RASGEF1B: variants seen among roughly 807,000 people sequenced by gnomAD.
RASGEF1B encodes the protein RasGEF domain family member 1B.
Under a neutral mutation model 65.7 loss-of-function variants are expected in RASGEF1B, and 30 were observed. That is an observed-to-expected ratio of 0.46 (90% CI 0.34 to 0.62). The LOEUF is 0.62. RASGEF1B is among the 20% of genes least tolerant of loss of function. The pLI is 0.01. For synonymous variants in RASGEF1B, 175 were observed against 194.8 expected (o/e 0.90, Z 0.85); for missense variants, 495 against 580.1 (o/e 0.85, Z 1.51).
chr4:81,435,727 G>A (rs1179243335), intron 10 of RASGEF1B, among the ~76,000 whole-genome samples: 3 of 147,228 alleles, frequency 2.0e-5, no homozygotes, highest in South Asian at 2.1e-4. Context: ...CGCCCGCCTT[G>A]GCCTCCCAAA....
intron 1 of RASGEF1B, among the ~76,000 whole-genome samples, chr4:81,464,867 T>G (rs1313706424): frequency 6.6e-6 from 1 of 151,948 alleles, no homozygotes; most frequent in Non-Finnish European, 1.5e-5. Flanking sequence ...GGCGGATTAC[T>G]TGAGGTCAGG....
intron 4 of RASGEF1B, among the ~76,000 whole-genome samples, chr4:81,450,514 T>A (rs1291357369): frequency 6.6e-6 from 1 of 150,394 alleles, no homozygotes; most frequent in Non-Finnish European, 1.5e-5. Flanking sequence ...TACAAGTGTG[T>A]GCCACCATAC....
At chr4:81,449,947 TC>T (rs919022479) in intron 4 of RASGEF1B, among the ~76,000 whole-genome samples, 11 of 152,184 alleles carry the variant, frequency 7.2e-5, no homozygotes, top group African/African-American at 2.7e-4. Flanking sequence ...TTTAAACTGG[TC>T]CATTAGATGA....
At chr4:81,463,890 A>G (rs1355748942) in intron 1 of RASGEF1B, among the ~76,000 whole-genome samples, 1 of 152,228 alleles carries the variant, frequency 6.6e-6, no homozygotes, top group African/African-American at 2.4e-5. Flanking sequence ...GTTCTTGTTA[A>G]GAAAATAAAT....
chr4:81,449,000 G>A (rs1340618928), intron 4 of RASGEF1B, among the ~76,000 whole-genome samples: 3 of 152,090 alleles, frequency 2.0e-5, no homozygotes, highest in African/African-American at 7.2e-5. Flanking sequence ...TTTTTGTAGA[G>A]ATGGGGTTTC....
At position 81,456,311 on chromosome 4, in the gene RASGEF1B, C is replaced by T. The variant is rs2109989393; in HGVS notation, c.438+340G>A. 3 of 584,028 alleles carry T rather than the reference C, an allele frequency of 5.1e-6. No homozygotes were observed. In the East Asian group the frequency reaches 8.5e-5, roughly 17 times the overall value. The allele number at this position is 584,028 out of a possible 1,614,324, so 36.2% of individuals were successfully genotyped here. On this transcript the variant is annotated intron_variant, in intron 4 of 13. Coordinates refer to ENST00000264400, the MANE Select transcript of RASGEF1B (RefSeq NM_152545.3). ...ACTAGTGTTTATGTCTACTAACATG[C>T]CATTTATCATCTAACTAGCTGTGTC...
chr4:81,435,718 G>T (rs982313512), intron 10 of RASGEF1B, among the ~76,000 whole-genome samples: 9 of 143,464 alleles, frequency 6.3e-5, no homozygotes, highest in African/African-American at 2.1e-4. Flanking sequence ...CTTGTGATCC[G>T]CCCGCCTTGG....
chr4:81,466,767 A>AG (rs1560713595), intron 1 of RASGEF1B, among the ~76,000 whole-genome samples: 27 of 129,542 alleles, frequency 2.1e-4, no homozygotes, highest in African/African-American at 4.9e-4. Context: ...TCAAAAAAAA[A>AG]AAAAAAGAAA....
intron 12 of RASGEF1B, among the ~76,000 whole-genome samples, chr4:81,433,573 C>G (rs1721509000): frequency 6.6e-6 from 1 of 152,094 alleles, no homozygotes; most frequent in African/African-American, 2.4e-5. Context: ...AAAAAAAATT[C>G]TTCAATAACC....
At chr4:81,445,199 C>A (rs908772561) in intron 8 of RASGEF1B, among the ~76,000 whole-genome samples, 1 of 152,162 alleles carries the variant, frequency 6.6e-6, no homozygotes, top group Non-Finnish European at 1.5e-5. Flanking sequence ...AGTCTTGGAT[C>A]ATTATTTCTA....
chr4:81,448,366 A>G, intron 4 of RASGEF1B, 82 bp from the exon 5 acceptor site: 3 of 1,190,560 alleles, frequency 2.5e-6, no homozygotes, highest in Non-Finnish European at 3.7e-6. Context: ...GTGTCCTCAA[A>G]TGATTTTACC....
At chr4:81,460,356 C>A (rs532811538) in intron 1 of RASGEF1B, among the ~76,000 whole-genome samples, 3 of 152,220 alleles carry the variant, frequency 2.0e-5, no homozygotes. Flanking sequence ...CGGCACCCGG[C>A]CCTGAGAACA....
At chr4:81,447,454 G>T in intron 6 of RASGEF1B, 50 bp downstream of exon 6, 1 of 1,350,934 alleles carries the variant, frequency 7.4e-7, no homozygotes, top group Non-Finnish European at 1.1e-6. Context: ...ATCATAGACT[G>T]ATAAATCCCA....
At chr4:81,431,518 C>T (rs1277911671) in intron 13 of RASGEF1B, among the ~76,000 whole-genome samples, 1 of 152,010 alleles carries the variant, frequency 6.6e-6, no homozygotes, top group East Asian at 1.9e-4. Flanking sequence ...CAAACACAAC[C>T]ACACAAAACC....
intron 10 of RASGEF1B, 29 bp downstream of exon 10, chr4:81,440,805 A>C: frequency 6.9e-7 from 1 of 1,442,130 alleles, no homozygotes; most frequent in African/African-American, 1.4e-5. Flanking sequence ...CAACTCTACC[A>C]TAAGAAAGAT....
intron 1 of RASGEF1B, among the ~76,000 whole-genome samples, chr4:81,463,091 G>T (rs571284895): frequency 1.5e-3 from 225 of 152,234 alleles, no homozygotes; most frequent in African/African-American, 5.2e-3. Flanking sequence ...TAAAGTTTAA[G>T]CATTAAACAA....
At chr4:81,448,431 T>C (rs1722123165) in intron 4 of RASGEF1B, 147 bp from the exon 5 acceptor site, 2 of 684,896 alleles carry the variant, frequency 2.9e-6, no homozygotes, top group African/African-American at 3.6e-5. Context: ...TTCAGCTAGC[T>C]CTAACAGTTT....
intron 1 of RASGEF1B, among the ~76,000 whole-genome samples, chr4:81,468,297 T>C (rs955064907): frequency 6.6e-6 from 1 of 152,346 alleles, no homozygotes; most frequent in Admixed American, 6.5e-5. Context: ...GTTACTGGGA[T>C]AATTTTCCAG....
chr4:81,428,045 G>A (rs12331934), intron 13 of RASGEF1B, among the ~76,000 whole-genome samples: 20,934 of 152,040 alleles, frequency 0.14, 1,801 homozygotes, highest in South Asian at 0.3. Context: ...ATCTTGCGTA[G>A]GTTTATATTA....
Sources: gnomAD v4.1 joint callset for allele counts (sites outside exome capture counted in the v4.1 genomes callset) on GRCh38, gnomAD v4.1.1 for gene constraint, MANE v1.5 for transcripts, NCBI Gene and HGNC (gene_info 2026-07-23, HGNC 2026-07-21) for gene names.